The following SOX30 variants were observed in gnomAD, a reference collection of about 807,000 sequenced individuals.
SOX30 encodes the protein transcription factor SOX-30.
A neutral mutation model predicts 58.6 loss-of-function variants in SOX30; 17 were observed. That is an observed-to-expected ratio of 0.29 (90% CI 0.20 to 0.44). The LOEUF is 0.44. Among genes scored for constraint, SOX30 ranks in the 20% least tolerant of loss-of-function variants. The pLI is 1.00. For missense variants in SOX30, 951 were observed against 965.8 expected (o/e 0.98, Z 0.20); for synonymous variants, 421 against 400.2 (o/e 1.05, Z -0.62).
At chr5:157,652,482 A>G, upstream of SOX30, 1 of 683,058 alleles carries the variant, frequency 1.5e-6, no homozygotes, top group African/African-American at 1.9e-5. Flanking sequence ...GCTGACATCC[A>G]GGGAATGAAG....
chr5:157,643,210 G>A (rs1006338718), intron 3 of SOX30, among the ~76,000 whole-genome samples: 1 of 152,036 alleles, frequency 6.6e-6, no homozygotes, highest in Non-Finnish European at 1.5e-5. Flanking sequence ...GATCACCTGA[G>A]GTCAGGAGTT....
intron 2 of SOX30, among the ~76,000 whole-genome samples, chr5:157,660,530 A>G (rs1759559827): frequency 6.6e-6 from 1 of 151,648 alleles, no homozygotes; most frequent in African/African-American, 2.4e-5. Context: ...GGAGGGGTCC[A>G]TTTCATTGGT....
At chr5:157,628,570 G>A (rs1200679451) in intron 4 of SOX30, among the ~76,000 whole-genome samples, 20 of 151,442 alleles carry the variant, frequency 1.3e-4, no homozygotes, top group Admixed American at 1.3e-3. Flanking sequence ...AATTTTTCAG[G>A]TTTCCATGCC....
rs376901964 is a variant in SOX30, at chr5:157,643,723, T to C, written c.1387+2914A>G. ...ATACCTCACTATCTTGATATCTTTC[T>C]TCCATGGAAATACAGCAAACATGCT... On this transcript the variant is annotated intron_variant, in intron 3 of 4. Transcript: ENST00000265007. Among the ~76,000 whole-genome samples, 32 of 152,286 alleles carry C rather than the reference T, an allele frequency of 2.1e-4. No individual in the cohort carries two copies. In the South Asian group the frequency reaches 3.9e-3, roughly 19 times the overall value.
chr5:157,637,529 C>G (rs1758959157), intron 4 of SOX30, among the ~76,000 whole-genome samples: 1 of 152,080 alleles, frequency 6.6e-6, no homozygotes, highest in African/African-American at 2.4e-5. Context: ...AAACCCCAGA[C>G]CCAATGAATC....
At position 157,651,387 on chromosome 5, in the gene SOX30, G is replaced by A; in HGVS notation, c.692C>T (p.Ala231Val). The A allele has an allele frequency of 2.5e-6, 4 of 1,613,512 alleles. No individual in the cohort carries two copies. The South Asian group carries it at 3.3e-5, about 13-fold the overall frequency. ...GCTGCCATGAACCAGGCCATTGGACGCGGGCTCCGCGCCGAGCCTGCAGTC... is the reference window on the plus strand; with the variant it reads ...GCTGCCATGAACCAGGCCATTGGACACGGGCTCCGCGCCGAGCCTGCAGTC... The part of the protein sequence containing the change: ...LEDCRLGAEP[A>V]SNGLVHGSAE... Residue 231 changes from alanine (A) to valine (V), a missense_variant, in exon 1 of 5, where the codon GCG becomes GTG. Ala to Val is a moderately conservative substitution (Grantham distance 64). Coordinates refer to ENST00000265007, the MANE Select transcript of SOX30 (RefSeq NM_178424.2).
chr5:157,669,688 T>C (rs759375643), intron 1 of SOX30, among the ~76,000 whole-genome samples: 14 of 151,926 alleles, frequency 9.2e-5, no homozygotes, highest in Non-Finnish European at 1.8e-4. Flanking sequence ...GACTAATTTT[T>C]TTATTTTTAG....
chr5:157,634,510 C>T lies in SOX30; in HGVS notation c.1880+3720G>A, dbSNP rs377209290. On this transcript the variant is annotated intron_variant, in intron 4 of 4. Transcript: ENST00000265007. ...TTGGGATTACAGGCGTGAGCCACCA[C>T]GCCCAGCCAAAATTTTTAATAGTGA... 4.1e-4 allele frequency among the ~76,000 whole-genome samples: 62 copies of T among 152,154 alleles called. 1 individual carries two copies. The highest frequency in any genetic ancestry group is 6.8e-3 in the Middle Eastern group (2 of 294).
At chr5:157,649,265 A>T (rs1389493193) in intron 1 of SOX30, among the ~76,000 whole-genome samples, 1 of 152,226 alleles carries the variant, frequency 6.6e-6, no homozygotes, top group Non-Finnish European at 1.5e-5. Context: ...ACCATTAAGG[A>T]ACAGGAACCA....
chr5:157,670,944 G>A (rs1202042231), intron 1 of SOX30, among the ~76,000 whole-genome samples: 2 of 152,160 alleles, frequency 1.3e-5, no homozygotes, highest in Admixed American at 1.3e-4. Context: ...AAGAGTTAAC[G>A]AGAGCGAGGC....
chr5:157,659,450 A>G (rs1482397934), intron 2 of SOX30, among the ~76,000 whole-genome samples: 1 of 152,210 alleles, frequency 6.6e-6, no homozygotes, highest in East Asian at 1.9e-4. Context: ...TAAGAAAGTT[A>G]GTGTTAATTT....
chr5:157,632,108 GGCTAAGGCTATCTGAA>G (rs947763181), intron 4 of SOX30, among the ~76,000 whole-genome samples: 2 of 147,054 alleles, frequency 1.4e-5, no homozygotes, highest in African/African-American at 5.2e-5. Flanking sequence ...GCAACATTTG[GGCTAAGGCTATCTGAA>G]GCAAGACCCT....
intron 3 of SOX30, among the ~76,000 whole-genome samples, chr5:157,642,658 A>T (rs975306206): frequency 6.6e-6 from 1 of 152,104 alleles, no homozygotes; most frequent in Non-Finnish European, 1.5e-5. Context: ...ATAAATAAAA[A>T]ATAACAAAAA....
intron 2 of SOX30, among the ~76,000 whole-genome samples, chr5:157,658,532 T>C (rs994282592): frequency 1.3e-5 from 2 of 152,218 alleles, no homozygotes; most frequent in African/African-American, 2.4e-5. Flanking sequence ...CTTCCAGATA[T>C]CACCTTTTGT....
At chr5:157,640,764 A>C (rs957501719) in intron 3 of SOX30, among the ~76,000 whole-genome samples, 4 of 152,086 alleles carry the variant, frequency 2.6e-5, no homozygotes, top group Non-Finnish European at 5.9e-5. Flanking sequence ...GAAATACTAA[A>C]ATCTCCGCCC....
intron 4 of SOX30, among the ~76,000 whole-genome samples, chr5:157,636,463 G>A (rs996298366): frequency 5.3e-5 from 8 of 152,074 alleles, no homozygotes; most frequent in South Asian, 2.1e-4. Flanking sequence ...CAACCTCCCC[G>A]GCCTTAAATT....
chr5:157,651,704 C>T lies in SOX30; in HGVS notation c.375G>A (p.Leu125=), dbSNP rs773512524. The T allele has an allele frequency of 2.1e-5, 33 of 1,588,514 alleles. No individual in the cohort carries two copies. Among genetic ancestry groups the T allele is most frequent in the Middle Eastern group, 1.7e-4 (1 of 5,972 alleles). ...ASDGATSRPE[L]HPVQPLALHV... Reference sequence around the variant, plus strand: ...GCAGCGCCAGGGGCTGCACCGGGTGCAACTCGGGCCTGGAGGTGGCGCCGT... The same window carrying T: ...GCAGCGCCAGGGGCTGCACCGGGTGTAACTCGGGCCTGGAGGTGGCGCCGT... Residue 125 remains leucine (L), a synonymous_variant, in exon 1 of 5, where the codon TTG becomes TTA. Coordinates refer to ENST00000265007, the MANE Select transcript of SOX30 (RefSeq NM_178424.2).
upstream of SOX30, among the ~76,000 whole-genome samples, chr5:157,653,489 G>T (rs1449428560): frequency 6.6e-6 from 1 of 152,126 alleles, no homozygotes; most frequent in Non-Finnish European, 1.5e-5. Flanking sequence ...CTGTGATAGG[G>T]TAATAATAAA....
At chr5:157,633,070 A>C (rs1758849366) in intron 4 of SOX30, among the ~76,000 whole-genome samples, 1 of 152,218 alleles carries the variant, frequency 6.6e-6, no homozygotes, top group African/African-American at 2.4e-5. Flanking sequence ...TCTCAAAAAA[A>C]CAAAAAAAAG....
Sources: allele counts gnomAD v4.1 joint callset (sites outside exome capture counted in the v4.1 genomes callset), GRCh38; gene constraint gnomAD v4.1.1; transcripts MANE v1.5; gene names NCBI Gene and HGNC (gene_info 2026-07-23, HGNC 2026-07-21).